The following NTN1 variants were observed in gnomAD, a reference collection of about 807,000 sequenced individuals.
The protein encoded by NTN1 is netrin 1, also known as netrin-1.
A neutral mutation model predicts 54.2 loss-of-function variants in NTN1; 11 were observed. The ratio of observed to expected loss-of-function variants is 0.20; its 90% CI spans 0.13 to 0.34. NTN1 has a LOEUF of 0.34. Among genes scored for constraint, NTN1 ranks in the 10% least tolerant of loss-of-function variants. The pLI, the probability that NTN1 is intolerant of heterozygous loss-of-function variation, is 1.00. For missense variants in NTN1, 740 were observed against 893.1 expected, an observed-to-expected ratio of 0.83 and a Z score of 2.18; for synonymous variants, 371 against 382.0, an observed-to-expected ratio of 0.97 and a Z score of 0.33.
intron 2 of NTN1, among the ~76,000 whole-genome samples, chr17:9,086,846 T>C (rs969945300): frequency 2.0e-5 from 3 of 152,070 alleles, no homozygotes; most frequent in African/African-American, 7.2e-5. Flanking sequence ...ATCACCATTA[T>C]TGTCACCATC....
At chr17:9,205,993 CT>C (rs1597537740) in intron 5 of NTN1, among the ~76,000 whole-genome samples, 1 of 152,218 alleles carries the variant, frequency 6.6e-6, no homozygotes, top group East Asian at 1.9e-4. Flanking sequence ...TGAGCTCCAA[CT>C]GGGGCATGCC....
chr17:9,010,561 A>G, the NTN1 span, among the ~76,000 whole-genome samples: 1 of 152,212 alleles, frequency 6.6e-6, no homozygotes, highest in African/African-American at 2.4e-5. Context: ...ATTTGCCCCA[A>G]GCATGTCTTT....
At chr17:9,038,265 C>CTCACACACACACACACA (rs55982115) in intron 2 of NTN1, among the ~76,000 whole-genome samples, 3 of 144,076 alleles carry the variant, frequency 2.1e-5, no homozygotes, top group African/African-American at 8.0e-5. Flanking sequence ...TTCTCTCTCT[C>CTCACACACACACACACA]CACACACACA....
intron 2 of NTN1, among the ~76,000 whole-genome samples, chr17:9,153,754 G>A (rs566372261): frequency 2.0e-4 from 30 of 152,252 alleles, no homozygotes; most frequent in Middle Eastern, 3.4e-3. Flanking sequence ...AGGTAGAAGC[G>A]GGTCCTGTTT....
chr17:9,111,073 G>T (rs2142251420), intron 2 of NTN1, among the ~76,000 whole-genome samples: 1 of 151,896 alleles, frequency 6.6e-6, no homozygotes, highest in African/African-American at 2.4e-5. Flanking sequence ...TAGCTGGGAG[G>T]ATTACCGGCA....
At chr17:9,028,998 A>G (rs2091880563) in intron 2 of NTN1, among the ~76,000 whole-genome samples, 1 of 151,850 alleles carries the variant, frequency 6.6e-6, no homozygotes, top group African/African-American at 2.4e-5. Context: ...GCCTTTCATT[A>G]TAGGGAGACG....
At chr17:9,016,368 C>T in the NTN1 span, among the ~76,000 whole-genome samples, 11 of 152,212 alleles carry the variant, frequency 7.2e-5, no homozygotes, top group East Asian at 1.9e-4. Context: ...TTATTGTCCT[C>T]GGAAGGCCTT....
intron 2 of NTN1, among the ~76,000 whole-genome samples, chr17:9,026,646 C>A (rs999155835): frequency 2.0e-5 from 3 of 149,796 alleles, no homozygotes; most frequent in African/African-American, 2.5e-5. Context: ...TAGGCCCCTT[C>A]CCCCCTCCCC....
chr17:9,005,546 G>A, the NTN1 span, among the ~76,000 whole-genome samples: 1 of 152,140 alleles, frequency 6.6e-6, no homozygotes, highest in Admixed American at 6.5e-5. Context: ...CCTGAAGCAT[G>A]TTGATGCAGG....
Position 9,165,218 on chromosome 17 carries a change from A to G in NTN1, c.1207+2217A>G, listed in dbSNP as rs2092370248. Among the ~76,000 whole-genome samples, 3 of 152,186 alleles carry G rather than the reference A, an allele frequency of 2.0e-5. No individual in the cohort carries two copies. The highest frequency in any genetic ancestry group is 7.2e-5 in the African/African-American group (3 of 41,448). ...GTCCAATTAGAAATGTATGTTTCCC[A>G]GAGAGGCAAGAAGGGGCAGGGCCCT... On this transcript the variant is annotated intron_variant, in intron 3 of 6. Coordinates refer to ENST00000173229, the MANE Select transcript of NTN1 (RefSeq NM_004822.3). This position sits in a 1 kb window ranked among gnomAD's most constrained non-coding sequence, Gnocchi z 4.5.
intron 2 of NTN1, among the ~76,000 whole-genome samples, chr17:9,026,956 G>A (rs1175513819): frequency 7.5e-6 from 1 of 133,456 alleles, no homozygotes; most frequent in Admixed American, 7.4e-5. Flanking sequence ...TGCTGGGTTG[G>A]CCTCTTAATG....
At chr17:9,077,468 C>A (rs543991150) in intron 2 of NTN1, among the ~76,000 whole-genome samples, 8 of 152,206 alleles carry the variant, frequency 5.3e-5, no homozygotes, top group Non-Finnish European at 1.0e-4. Context: ...CACTCTGAAC[C>A]ATTCATGTCG....
chr17:9,003,236 G>C, the NTN1 span, among the ~76,000 whole-genome samples: 3 of 151,934 alleles, frequency 2.0e-5, no homozygotes, highest in South Asian at 6.2e-4. The surrounding 1 kb of genome is among the most constrained non-coding windows in gnomAD (Gnocchi z 7.4). Flanking sequence ...GGCTGCGGTC[G>C]GAGGGCGGCG....
intron 6 of NTN1, among the ~76,000 whole-genome samples, chr17:9,222,201 C>G (rs987849378): frequency 7.2e-5 from 11 of 152,338 alleles, no homozygotes; most frequent in African/African-American, 2.6e-4. Context: ...CAATTCTGGG[C>G]CCACGAAAGT....
intron 2 of NTN1, among the ~76,000 whole-genome samples, chr17:9,031,007 G>A (rs1185782795): frequency 6.6e-6 from 1 of 152,136 alleles, no homozygotes; most frequent in Non-Finnish European, 1.5e-5. Context: ...GAACCCATCT[G>A]TGCCCCCTCC....
intron 2 of NTN1, among the ~76,000 whole-genome samples, chr17:9,081,242 A>C (rs557081729): frequency 1.1e-4 from 16 of 152,050 alleles, no homozygotes; most frequent in African/African-American, 3.9e-4. Context: ...AAATTCCCTC[A>C]CACTTCTTGG....
chr17:9,024,933 A>G (rs1423464993), intron 2 of NTN1, among the ~76,000 whole-genome samples: 1 of 152,140 alleles, frequency 6.6e-6, no homozygotes, highest in Non-Finnish European at 1.5e-5. Context: ...TTCCCTCGGA[A>G]ATGTTGGTTT....
At chr17:9,086,135 G>T (rs2092089362) in intron 2 of NTN1, among the ~76,000 whole-genome samples, 1 of 152,108 alleles carries the variant, frequency 6.6e-6, no homozygotes, top group African/African-American at 2.4e-5. Flanking sequence ...TTTTTATGAG[G>T]GGTTTTCTTG....
chr17:9,202,051 CACACAAAAAAAAAAAAAAA>C (rs1904806117), intron 5 of NTN1, among the ~76,000 whole-genome samples: 1 of 25,090 alleles, frequency 4.0e-5, no homozygotes, highest in Admixed American at 4.3e-4. Flanking sequence ...CACACACACA[CACACAAAAAAAAAAAAAAA>C]AAAAAAAAAA....
Sources: gnomAD v4.1 joint callset for allele counts (sites outside exome capture counted in the v4.1 genomes callset) on GRCh38, gnomAD v4.1.1 for gene constraint, Gnocchi (gnomAD v3.1) non-coding constraint, MANE v1.5 for transcripts, NCBI Gene and HGNC (gene_info 2026-07-23, HGNC 2026-07-21) for gene names.